Variants in OSBPL10 observed in about 807,000 individuals in gnomAD.
The protein encoded by OSBPL10 is oxysterol-binding protein-related protein 10.
Under a neutral mutation model 81.7 loss-of-function variants are expected in OSBPL10, and 49 were observed. The ratio of observed to expected loss-of-function variants is 0.60; its 90% CI spans 0.48 to 0.76. The LOEUF (loss-of-function observed/expected upper bound fraction) is 0.76. Among genes scored for constraint, OSBPL10 ranks in the 30% least tolerant of loss-of-function variants. The probability of loss-of-function intolerance (pLI) is 0.00; values close to 1 mark genes in which losing one functional copy is unlikely to be tolerated. For missense variants in OSBPL10, 923 were observed against 987.8 expected (o/e 0.93, Z 0.88); for synonymous variants, 419 against 383.6 (o/e 1.09, Z -1.08).
chr3:31,950,852 C>T (rs1223482693), intron 1 of OSBPL10, among the ~76,000 whole-genome samples: 1 of 152,186 alleles, frequency 6.6e-6, no homozygotes, highest in South Asian at 2.1e-4. Context: ...TGTGACATGC[C>T]TGCTCCCTCC....
At chr3:31,980,833 ACACG>A (rs1575075650) in intron 1 of OSBPL10, 62 bp downstream of exon 1, 37 of 1,424,220 alleles carry the variant, frequency 2.6e-5, no homozygotes, top group South Asian at 1.1e-4. Flanking sequence ...ACACATACAC[ACACG>A]CACGCACACA....
intron 4 of OSBPL10, among the ~76,000 whole-genome samples, chr3:31,752,096 T>C (rs1047859164): frequency 6.6e-5 from 10 of 152,148 alleles, no homozygotes; most frequent in Middle Eastern, 3.2e-3. Flanking sequence ...AGCAAATTCT[T>C]AAAGAGGGTT....
chr3:31,990,646 GC>G (rs1699016394), intron 2 of OSBPL10: 1 of 1,613,494 alleles, frequency 6.2e-7, no homozygotes. Flanking sequence ...TAATCAACAA[GC>G]AACCCTTGCA....
intron 7 of OSBPL10, among the ~76,000 whole-genome samples, chr3:31,695,235 C>T (rs184421060): frequency 6.4e-4 from 97 of 152,280 alleles, no homozygotes; most frequent in Admixed American, 2.3e-3. Flanking sequence ...ATACACTGTT[C>T]GAGGTTTTTC....
At chr3:31,719,198 C>T (rs562402617) in intron 6 of OSBPL10, among the ~76,000 whole-genome samples, 3 of 152,198 alleles carry the variant, frequency 2.0e-5, no homozygotes, top group Admixed American at 6.5e-5. Flanking sequence ...ACTCTCAAAA[C>T]GATTCAAGCT....
chr3:32,040,381 T>G (rs1699562917), intron 2 of OSBPL10, among the ~76,000 whole-genome samples: 1 of 151,356 alleles, frequency 6.6e-6, no homozygotes, highest in Non-Finnish European at 1.5e-5. Flanking sequence ...CACTCCAGCC[T>G]AGGCGACAGA....
Position 31,723,034 on chromosome 3 carries a change from T to C in OSBPL10, c.1095+10223A>G, listed in dbSNP as rs1041515042. The stretch of plus-strand genomic sequence containing the variant: ...TACACTGTTCTCAACTGCATTTAAT[T>C]TCATTTCCAAAAAAGTTAGAGTTTC... On this transcript the variant is annotated intron_variant, in intron 6 of 11. Coordinates refer to ENST00000396556, the MANE Select transcript of OSBPL10 (RefSeq NM_017784.5). Among the ~76,000 whole-genome samples the C allele has an allele frequency of 7.9e-5, 12 of 152,336 alleles. 1 individual carries two copies. The South Asian group carries it at 2.5e-3, about 32-fold the overall frequency.
chr3:31,844,969 T>G (rs1700592519), intron 3 of OSBPL10, among the ~76,000 whole-genome samples: 1 of 151,974 alleles, frequency 6.6e-6, no homozygotes, highest in African/African-American at 2.4e-5. Flanking sequence ...GCAACCCCAG[T>G]TATTTGGGAG....
chr3:31,941,547 C>A (rs554050691), intron 1 of OSBPL10, among the ~76,000 whole-genome samples: 1 of 152,326 alleles, frequency 6.6e-6, no homozygotes, highest in African/African-American at 2.4e-5. Context: ...CAAGTCTAGA[C>A]ACCTCAAACT....
At chr3:31,672,551 T>C (rs1700352587) in intron 8 of OSBPL10, among the ~76,000 whole-genome samples, 1 of 152,048 alleles carries the variant, frequency 6.6e-6, no homozygotes, top group Non-Finnish European at 1.5e-5. Flanking sequence ...TGGTTGCTCT[T>C]AGTTTCTAAA....
intron 4 of OSBPL10, among the ~76,000 whole-genome samples, chr3:31,770,193 G>A (rs953764820): frequency 2.6e-5 from 4 of 152,122 alleles, no homozygotes; most frequent in Non-Finnish European, 5.9e-5. Context: ...TCTGTCCTGA[G>A]AGGCTAATGT....
At chr3:31,925,346 C>T (rs563897328) in intron 1 of OSBPL10, among the ~76,000 whole-genome samples, 56 of 152,210 alleles carry the variant, frequency 3.7e-4, no homozygotes, top group Admixed American at 3.5e-3. Context: ...CTCCAGCCAT[C>T]CTCCACATCC....
At chr3:31,979,722 C>A (rs117344206) in intron 1 of OSBPL10, among the ~76,000 whole-genome samples, 2 of 149,972 alleles carry the variant, frequency 1.3e-5, no homozygotes, top group South Asian at 2.1e-4. Context: ...AAAAAAAAAA[C>A]AAAAACAAAA....
intron 1 of OSBPL10, among the ~76,000 whole-genome samples, chr3:31,940,241 T>C (rs558429376): frequency 1.3e-5 from 2 of 152,332 alleles, no homozygotes; most frequent in South Asian, 2.1e-4. Flanking sequence ...TACTCAGCAA[T>C]GAAAAGGAGC....
intron 1 of OSBPL10, among the ~76,000 whole-genome samples, chr3:32,051,818 T>C (rs376878741): frequency 1.3e-5 from 2 of 152,224 alleles, no homozygotes; most frequent in East Asian, 3.8e-4. Context: ...GTGATGTCTA[T>C]GTATGAAAGA....
At chr3:31,913,051 C>A (rs1189723770) in intron 1 of OSBPL10, among the ~76,000 whole-genome samples, 2 of 152,078 alleles carry the variant, frequency 1.3e-5, no homozygotes, top group Non-Finnish European at 2.9e-5. Context: ...AGCATAAGAA[C>A]TGATTTATAA....
rs145177881 is a variant in OSBPL10, at chr3:32,006,226, G to A, written n.298+40265C>T. Among the ~76,000 whole-genome samples, 563 of 152,228 alleles carry A rather than the reference G, an allele frequency of 3.7e-3. 4 individuals carry two copies. The highest frequency in any genetic ancestry group is 0.013 in the African/African-American group (526 of 41,550). ...CTCTCAAAGTGCTGGGATTACAGGC[G>A]TGAGCCACCGCACCCCTCCATCTTG... On this transcript the variant is annotated intron_variant and non_coding_transcript_variant, in intron 2 of 3. Transcript: ENST00000479173.
Position 31,808,375 on chromosome 3 carries a change from T to A in OSBPL10, c.729+21665A>T, listed in dbSNP as rs1171112675. Among the ~76,000 whole-genome samples, 4 of 152,242 alleles carry A rather than the reference T, an allele frequency of 2.6e-5. No homozygotes were observed. The East Asian group carries it at 7.7e-4, about 29-fold the overall frequency. On this transcript the variant is annotated intron_variant, in intron 4 of 11. Transcript: ENST00000396556. Reference sequence around the variant, plus strand: ...CAGGTGTCATGTTGGGAGACTGAGGTCCCCAAATGTAGCCAGTTGCCTTGG... The same window carrying A: ...CAGGTGTCATGTTGGGAGACTGAGGACCCCAAATGTAGCCAGTTGCCTTGG...
intron 3 of OSBPL10, among the ~76,000 whole-genome samples, chr3:31,856,938 T>C (rs1485637117): frequency 6.6e-6 from 1 of 152,150 alleles, no homozygotes; most frequent in Non-Finnish European, 1.5e-5. Flanking sequence ...TAGCTGGGCA[T>C]GGTGGCGGGC....
Sources: gnomAD v4.1 joint callset for allele counts (sites outside exome capture counted in the v4.1 genomes callset) on GRCh38, gnomAD v4.1.1 for gene constraint, MANE v1.5 for transcripts, NCBI Gene and HGNC (gene_info 2026-07-23, HGNC 2026-07-21) for gene names.